CDH8: variants seen among roughly 807,000 people sequenced by gnomAD.
CDH8 encodes cadherin-8.
A neutral mutation model predicts 68.1 loss-of-function variants in CDH8; 17 were observed. The ratio of observed to expected loss-of-function variants is 0.25; its 90% CI spans 0.17 to 0.37. CDH8 has a LOEUF of 0.37. Ranked by LOEUF, CDH8 falls within the 10% of genes least tolerant of loss-of-function variation. The pLI is 1.00. For missense variants in CDH8, 763 were observed against 999.3 expected, an observed-to-expected ratio of 0.76 and a Z score of 3.19; for synonymous variants, 372 against 365.1, an observed-to-expected ratio of 1.02 and a Z score of -0.21.
At chr16:62,032,898 C>T (rs8050100) in intron 1 of CDH8, among the ~76,000 whole-genome samples, 1 of 152,056 alleles carries the variant, frequency 6.6e-6, no homozygotes. Context: ...ACATTGATGA[C>T]GTTTTCTGAA....
intron 3 of CDH8, among the ~76,000 whole-genome samples, chr16:61,874,871 G>C (rs1331399109): frequency 6.6e-6 from 1 of 152,156 alleles, no homozygotes; most frequent in Non-Finnish European, 1.5e-5. Flanking sequence ...TAGATACAGA[G>C]AGGTTCAACA....
At chr16:61,685,551 A>G (rs1057348780) in intron 10 of CDH8, among the ~76,000 whole-genome samples, 1 of 152,118 alleles carries the variant, frequency 6.6e-6, no homozygotes, top group African/African-American at 2.4e-5. Context: ...TATAGTTTCT[A>G]TAAGAACTTT....
intron 10 of CDH8, among the ~76,000 whole-genome samples, chr16:61,660,836 T>C (rs771257782): frequency 6.6e-6 from 1 of 151,882 alleles, no homozygotes; most frequent in Non-Finnish European, 1.5e-5. Context: ...TCAAAATAAA[T>C]ATGTATATGA....
At chr16:61,710,601 T>A (rs1964612776) in intron 10 of CDH8, 1 of 152,074 alleles carries the variant, frequency 6.6e-6, no homozygotes, top group East Asian at 1.9e-4. Flanking sequence ...AGGTCCCCTG[T>A]CTATTTCTCG....
chr16:61,994,018 A>G (rs1475539010), intron 2 of CDH8, among the ~76,000 whole-genome samples: 1 of 152,186 alleles, frequency 6.6e-6, no homozygotes, highest in African/African-American at 2.4e-5. Context: ...CTCCCATCAC[A>G]TACATGGTAA....
intron 3 of CDH8, among the ~76,000 whole-genome samples, chr16:61,900,521 A>G (rs1209323326): frequency 6.6e-6 from 1 of 152,206 alleles, no homozygotes; most frequent in African/African-American, 2.4e-5. Context: ...ATAGATAAGC[A>G]GATTCCAAAG....
chr16:61,729,255 G>A (rs1959467209), intron 8 of CDH8, among the ~76,000 whole-genome samples: 1 of 150,018 alleles, frequency 6.7e-6, no homozygotes. Flanking sequence ...TAATACTGAT[G>A]AAGTCCAAAA....
intron 8 of CDH8, among the ~76,000 whole-genome samples, chr16:61,727,929 A>T (rs1305468358): frequency 6.6e-6 from 1 of 151,120 alleles, no homozygotes; most frequent in Non-Finnish European, 1.5e-5. Context: ...TTTTTAAGTT[A>T]TGTATGCACA....
chr16:61,882,250 C>T (rs1041498224), intron 3 of CDH8, among the ~76,000 whole-genome samples: 7 of 152,170 alleles, frequency 4.6e-5, no homozygotes, highest in Non-Finnish European at 5.9e-5. Flanking sequence ...TGTAAAAGCT[C>T]CCATCCAATA....
intron 2 of CDH8, 143 bp downstream of exon 2, chr16:62,021,009 T>A: frequency 1.4e-6 from 1 of 732,580 alleles, no homozygotes; most frequent in Non-Finnish European, 2.3e-6. Context: ...ATCGTATTCC[T>A]AACAGAACGA....
At chr16:61,973,246 T>G (rs947828638) in intron 2 of CDH8, among the ~76,000 whole-genome samples, 2 of 152,260 alleles carry the variant, frequency 1.3e-5, no homozygotes, top group Admixed American at 1.3e-4. Context: ...AAAATCTTTA[T>G]GATCATCCAC....
Position 61,852,852 on chromosome 16 carries a change from C to CCCTTCCTTCCTTCCTTCCTTCCTT in CDH8, c.667+4243_667+4266dup, listed in dbSNP as rs138549766. Reference sequence around the variant, plus strand: ...CTTCCTCCAGCTCTCCCTGACTCTGCCCTTCCTTCCTTCCTTCCTTCCTTC... The same window carrying CCCTTCCTTCCTTCCTTCCTTCCTT: ...CTTCCTCCAGCTCTCCCTGACTCTGCCCTTCCTTCCTTCCTTCCTTCCTTCCTTCCTTCCTTCCTTCCTTCCTTC... On this transcript the variant is annotated intron_variant, in intron 4 of 11. Coordinates refer to ENST00000577390, the MANE Select transcript of CDH8 (RefSeq NM_001796.5). 3.8e-3 allele frequency among the ~76,000 whole-genome samples: 500 copies of CCCTTCCTTCCTTCCTTCCTTCCTT among 133,166 alleles called. 7 individuals are homozygous for CCCTTCCTTCCTTCCTTCCTTCCTT. Among genetic ancestry groups the CCCTTCCTTCCTTCCTTCCTTCCTT allele is most frequent in the South Asian group, 0.01 (40 of 3,856 alleles). 87.4% of individuals were successfully genotyped at this position (133,166 alleles called of 152,430 possible). A position where few individuals can be genotyped will look rare whatever the true frequency, so the allele number is the denominator to read the frequency against.
At chr16:61,747,897 C>T (rs1435555765) in intron 8 of CDH8, among the ~76,000 whole-genome samples, 2 of 152,032 alleles carry the variant, frequency 1.3e-5, no homozygotes, top group African/African-American at 2.4e-5. Context: ...TCCTTGACAT[C>T]GCCGGGGCAG....
intron 10 of CDH8, among the ~76,000 whole-genome samples, chr16:61,708,752 C>T (rs1042050728): frequency 3.3e-5 from 5 of 152,156 alleles, no homozygotes; most frequent in South Asian, 2.1e-4. Flanking sequence ...ATTACTGAAT[C>T]GGAAGCCTTT....
At chr16:61,730,089 C>A (rs1285449179) in intron 8 of CDH8, among the ~76,000 whole-genome samples, 1 of 151,294 alleles carries the variant, frequency 6.6e-6, no homozygotes, top group Non-Finnish European at 1.5e-5. Context: ...TTGTCAAAGT[C>A]CATTCTTATT....
intron 8 of CDH8, among the ~76,000 whole-genome samples, chr16:61,734,673 T>C (rs1427610264): frequency 6.6e-6 from 1 of 152,190 alleles, no homozygotes; most frequent in Non-Finnish European, 1.5e-5. Flanking sequence ...TCATTTTTTT[T>C]AACTTCACAA....
chr16:61,981,311 T>C (rs1474256736), intron 2 of CDH8, among the ~76,000 whole-genome samples: 3 of 152,196 alleles, frequency 2.0e-5, no homozygotes, highest in Non-Finnish European at 2.9e-5. Flanking sequence ...ATTGCCTTTA[T>C]TAAGTAGGCT....
chr16:62,011,278 GGAACT>G (rs1328021798), intron 2 of CDH8, among the ~76,000 whole-genome samples: 1 of 152,108 alleles, frequency 6.6e-6, no homozygotes, highest in Non-Finnish European at 1.5e-5. Context: ...AGTAGTCCAT[GGAACT>G]GAGCAGACAA....
At chr16:61,847,888 CACACACACACACACAGACAA>C (rs1962845269) in intron 4 of CDH8, among the ~76,000 whole-genome samples, 1 of 143,516 alleles carries the variant, frequency 7.0e-6, no homozygotes, top group East Asian at 2.0e-4. Context: ...CCTACACACA[CACACACACACACACAGACAA>C]ACACACACAC....
Sources: allele counts gnomAD v4.1 joint callset (sites outside exome capture counted in the v4.1 genomes callset), GRCh38; gene constraint gnomAD v4.1.1; transcripts MANE v1.5; gene names NCBI Gene and HGNC (gene_info 2026-07-23, HGNC 2026-07-21).